Variants in COL6A1 observed in about 807,000 individuals in gnomAD.
COL6A1 encodes the protein collagen type VI alpha 1 chain.
Under a neutral mutation model 145.6 loss-of-function variants are expected in COL6A1, and 80 were observed. That is an observed-to-expected ratio of 0.55 (90% confidence interval 0.46 to 0.66). The LOEUF is 0.66. Among genes scored for constraint, COL6A1 ranks in the 30% least tolerant of loss-of-function variants. COL6A1 has a pLI of 0.00. For synonymous variants in COL6A1, 638 were observed against 622.8 expected, an observed-to-expected ratio of 1.02 and a Z score of -0.36; for missense variants, 1,364 against 1,473.8, an observed-to-expected ratio of 0.93 and a Z score of 1.22.
rs762867111 is a variant in COL6A1, at chr21:45,987,076, A to G, written c.717+4A>G. ...CGACACCATCGTGGACATGATCGTG[A>G]GGCCCCTGCCCAGGAGACGGGGAGG... On this transcript the variant is annotated splice_donor_region_variant and intron_variant, in intron 5 of 34. Transcript: ENST00000361866. 1.9e-5 allele frequency: 30 copies of G among 1,559,014 alleles called. 1 individual carries two copies. Among genetic ancestry groups the G allele is most frequent in the Admixed American group, 1.2e-4 (6 of 51,872 alleles).
intron 26 of COL6A1, 68 bp from the exon 27 acceptor site, chr21:45,999,589 C>A: frequency 6.5e-7 from 1 of 1,548,444 alleles, no homozygotes; most frequent in Non-Finnish European, 8.9e-7. Context: ...GGGGTGGGGG[C>A]TGTCTCAGCT....
At chr21:45,997,980 A>G in intron 22 of COL6A1, 141 bp from the exon 23 acceptor site, 1 of 1,201,074 alleles carries the variant, frequency 8.3e-7, no homozygotes. Context: ...CACGGGGACC[A>G]GCAGGGTGGC....
intron 20 of COL6A1, among the ~76,000 whole-genome samples, chr21:45,995,652 C>G (rs546929884): frequency 1.0e-3 from 157 of 152,324 alleles, no homozygotes; most frequent in African/African-American, 3.7e-3. Context: ...GTGAGCAGGC[C>G]GGCTGCAGGG....
Position 45,984,408 on chromosome 21 carries a change from T to A in COL6A1, c.367T>A (p.Phe123Ile). 3 of 1,612,616 alleles carry A rather than the reference T, an allele frequency of 1.9e-6. No homozygotes were observed. The highest frequency in any genetic ancestry group is 2.5e-6 in the Non-Finnish European group (3 of 1,179,950). ...AAGCAGCGTGGACGCGGTCAAGTAC[T>A]TTGGGAAGGGCACCTACACCGACTG... ...LKSSVDAVKY[F>I]GKGTYTDCAI... The change falls in exon 3 of 35, where the codon TTT (phenylalanine) becomes ATT (isoleucine). Residue 123 changes from phenylalanine (F) to isoleucine (I), a missense_variant. Around this residue, in one of 3 missense-constraint regions of COL6A1, gnomAD observed 414 missense variants for 437.6 expected, o/e 0.95. Transcript: ENST00000361866.
rs746951317 is a variant in COL6A1, at chr21:45,990,457, CGAGGAGGAATGGGGCGAGAT to C, written c.1002+37_1002+56del. ...GGGAGATAGGATGGACGGGGAGGGA[CGAGGAGGAATGGGGCGAGAT>C]GGGGAGGGACGGAGTGGACGGCGTG... On this transcript the variant is annotated intron_variant, in intron 13 of 34. Coordinates refer to ENST00000361866, the MANE Select transcript of COL6A1 (RefSeq NM_001848.3). 6 of 298,982 alleles carry C rather than the reference CGAGGAGGAATGGGGCGAGAT, an allele frequency of 2.0e-5. No individual in the cohort carries two copies. The East Asian group carries it at 6.7e-4, about 33-fold the overall frequency. The allele number at this position is 298,982 out of a possible 1,614,324, so 18.5% of individuals were successfully genotyped here. A position where few individuals can be genotyped will look rare whatever the true frequency, so the allele number is the denominator to read the frequency against.
chr21:46,001,066 C>T, intron 29 of COL6A1, 187 bp from the exon 30 acceptor site: 1 of 871,158 alleles, frequency 1.1e-6, no homozygotes, highest in Non-Finnish European at 1.7e-6. Context: ...CAGCCCTGAC[C>T]AGCCGCCGGA....
In COL6A1 at chr21:45,989,649, G is replaced by A; in HGVS notation, c.900G>A (p.Met300Ile). Residue 300 changes from methionine to isoleucine, a missense_variant, in exon 10 of 35, where the codon ATG becomes ATA. Physicochemically the swap from Met to Ile is conservative, Grantham distance 10. Coordinates refer to ENST00000361866, the MANE Select transcript of COL6A1 (RefSeq NM_001848.3). ...TCGGACCTGTTGGGTACCAGGGAAT[G>A]AAGGTACGTGCCCCCCCTTTCCTGG... is the stretch of plus-strand genomic sequence containing the variant. ...GDLGPVGYQG[M>I]KGEKGSRGEK... The A allele has an allele frequency of 6.2e-7, 1 of 1,613,144 alleles. No homozygotes were observed. Among genetic ancestry groups the A allele is most frequent in the Non-Finnish European group, 8.5e-7 (1 of 1,179,988 alleles).
rs367832752 is a variant in COL6A1 at position 46,003,521 on chromosome 21, G to A, written c.2595G>A (p.Thr865=). The A allele has an allele frequency of 1.4e-4, 220 of 1,611,656 alleles. No individual in the cohort carries two copies. The highest frequency in any genetic ancestry group is 2.2e-4 in the Admixed American group (13 of 59,968). ...LAERFLTAGR[T]DPAHDVRVAV... is the part of the protein sequence containing the mutation. ...AGCGCTTCCTCACAGCGGGCAGGACGGACCCCGCCCACGACGTGCGGGTGG... is the reference window on the plus strand; with the variant it reads ...AGCGCTTCCTCACAGCGGGCAGGACAGACCCCGCCCACGACGTGCGGGTGG... The change falls in exon 35 of 35, where the codon ACG becomes ACA. Residue 865 remains threonine, a synonymous_variant. Coordinates refer to ENST00000361866, the MANE Select transcript of COL6A1 (RefSeq NM_001848.3).
chr21:45,998,747 G>T, intron 24 of COL6A1, 150 bp from the exon 25 acceptor site: 1 of 1,072,822 alleles, frequency 9.3e-7, no homozygotes, highest in Non-Finnish European at 1.4e-6. Context: ...GCCACTCCGG[G>T]ACCCAGTTTC....
intron 15 of COL6A1, 122 bp from the exon 16 acceptor site, chr21:45,991,888 G>C: frequency 1.1e-6 from 1 of 950,946 alleles, no homozygotes; most frequent in Non-Finnish European, 1.6e-6. Flanking sequence ...TCTGGGCTCA[G>C]ACAGTGTTGG....
intron 2 of COL6A1, 114 bp downstream of exon 2, chr21:45,982,877 C>T (rs2077716045): frequency 6.8e-6 from 10 of 1,476,320 alleles, no homozygotes; most frequent in Non-Finnish European, 9.3e-6. Flanking sequence ...GTTGGGCGAG[C>T]GTTGCCCTGA....
In COL6A1 at chr21:45,992,057, A is replaced by G; in HGVS notation, c.1167A>G (p.Gly389=). The G allele has an allele frequency of 6.2e-7, 1 of 1,611,342 alleles. No individual in the cohort carries two copies. The highest frequency in any genetic ancestry group is 8.5e-7 in the Non-Finnish European group (1 of 1,179,164). The change falls in exon 16 of 35, where the codon GGA becomes GGG. Residue 389 remains glycine (G), a synonymous_variant. Transcript: ENST00000361866. The part of the protein sequence containing the change: ...DGEAGRPGSS[G]PSGDEGQPGE... ...AGGCGGGGAGACCAGGGAGCTCGGGACCATCTGGAGACGAGGTGAGGAGCT... is the reference window on the plus strand; with the variant it reads ...AGGCGGGGAGACCAGGGAGCTCGGGGCCATCTGGAGACGAGGTGAGGAGCT...
intron 3 of COL6A1, among the ~76,000 whole-genome samples, chr21:45,984,955 CAGAGACAGAAAGAGAG>C (rs1403180319): frequency 1.5e-4 from 21 of 143,284 alleles, no homozygotes; most frequent in Admixed American, 4.8e-4. Flanking sequence ...GAAACAGGGA[CAGAGACAGAAAGAGAG>C]AGAGACAGAG....
In COL6A1 at chr21:45,989,925, A is replaced by G. The variant is rs545743528; in HGVS notation, c.930+147A>G. ...TCCACCGCCCCTCGCCGTCCCCTCC[A>G]TCTGGAAGGACAAGGACAGCCACCC... On this transcript the variant is annotated intron_variant, in intron 11 of 34. Coordinates refer to ENST00000361866, the MANE Select transcript of COL6A1 (RefSeq NM_001848.3). 19 of 1,127,156 alleles carry G rather than the reference A, an allele frequency of 1.7e-5. No homozygotes were observed. In the East Asian group the frequency reaches 4.5e-4, roughly 27 times the overall value. The allele number at this position is 1,127,156 out of a possible 1,614,324, so 69.8% of individuals were successfully genotyped here. A position where few individuals can be genotyped will look rare whatever the true frequency, so the allele number is the denominator to read the frequency against.
At position 45,987,185 on chromosome 21, in the gene COL6A1, C is replaced by T; in HGVS notation, c.738+10C>T. On this transcript the variant is annotated intron_variant, in intron 6 of 34. Coordinates refer to ENST00000361866, the MANE Select transcript of COL6A1 (RefSeq NM_001848.3). ...TAACGTGGAGCAAGTGGTAAGAGCC[C>T]TCCCCACCACCCCCAGCCGTGAGTC... 6.3e-7 allele frequency: 1 copy of T among 1,594,126 alleles called. No homozygotes were observed. The highest frequency in any genetic ancestry group is 1.1e-5 in the South Asian group (1 of 89,802).
At chr21:46,001,509 C>A in intron 30 of COL6A1, 123 bp downstream of exon 30, 1 of 1,344,664 alleles carries the variant, frequency 7.4e-7, no homozygotes, top group Non-Finnish European at 1.0e-6. Context: ...CTTCCCTACT[C>A]ATGACAAGGA....
chr21:45,984,597 C>T (rs2077727008), intron 3 of COL6A1, 128 bp downstream of exon 3: 1 of 820,266 alleles, frequency 1.2e-6, no homozygotes, highest in African/African-American at 1.7e-5. Context: ...GCTGCACGGC[C>T]TCCCTGACCC....
intron 20 of COL6A1, among the ~76,000 whole-genome samples, chr21:45,996,964 G>C (rs1430210863): frequency 6.6e-6 from 1 of 152,208 alleles, no homozygotes; most frequent in African/African-American, 2.4e-5. Context: ...AGGCCCAAAG[G>C]GGACCATGAG....
chr21:45,982,824 G>A, intron 2 of COL6A1, 61 bp downstream of exon 2: 3 of 1,599,362 alleles, frequency 1.9e-6, no homozygotes, highest in Non-Finnish European at 1.7e-6. Flanking sequence ...GGGAGGGGTG[G>A]GGGCCCAGGG....
Sources: gnomAD v4.1 joint callset for allele counts (sites outside exome capture counted in the v4.1 genomes callset) on GRCh38, gnomAD v4.1.1 for gene constraint, gnomAD v4.1.1 regional missense constraint, MANE v1.5 for transcripts, NCBI Gene and HGNC (gene_info 2026-07-23, HGNC 2026-07-21) for gene names.